Variants in TFB1M observed in about 807,000 individuals in gnomAD.
The protein encoded by TFB1M is transcription factor B1, mitochondrial, also known as dimethyladenosine transferase 1, mitochondrial.
Under a neutral mutation model 31.1 loss-of-function variants are expected in TFB1M, and 27 were observed. The ratio of observed to expected loss-of-function variants is 0.87; its 90% CI spans 0.64 to 1.20. The LOEUF is 1.20. Ranked by LOEUF, TFB1M falls within the 50% of genes most tolerant of loss-of-function variation. TFB1M has a pLI of 0.00. For synonymous variants in TFB1M, 166 were observed against 151.8 expected (o/e 1.09, Z -0.69); for missense variants, 394 against 418.7 (o/e 0.94, Z 0.51).
chr6:155,288,582 TTA>T (rs2114751381), intron 4 of TFB1M, among the ~76,000 whole-genome samples: 1 of 152,346 alleles, frequency 6.6e-6, no homozygotes, highest in South Asian at 2.1e-4. Flanking sequence ...ATTTAAGTAT[TTA>T]AGTATATTTC....
At chr6:155,277,508 T>C (rs2114718252) in intron 5 of TFB1M, among the ~76,000 whole-genome samples, 1 of 152,312 alleles carries the variant, frequency 6.6e-6, no homozygotes, top group South Asian at 2.1e-4. Flanking sequence ...GATTATTTCT[T>C]TGTACATTAA....
chr6:155,308,000 G>T (rs112635078), intron 2 of TFB1M, among the ~76,000 whole-genome samples: 1,856 of 151,802 alleles, frequency 0.012, 32 homozygotes, highest in Non-Finnish European at 0.015. Context: ...AAATGGAGAA[G>T]AACCTATCAA....
At chr6:155,311,416 C>G in intron 1 of TFB1M, 77 bp from the exon 2 acceptor site, 1 of 1,311,936 alleles carries the variant, frequency 7.6e-7, no homozygotes, top group Non-Finnish European at 1.1e-6. Context: ...GAAAAATCTT[C>G]TATAAAAATT....
chr6:155,243,239 A>T, the TFB1M span, among the ~76,000 whole-genome samples: 3 of 151,898 alleles, frequency 2.0e-5, no homozygotes, highest in African/African-American at 7.3e-5. Context: ...GAATCAGTCA[A>T]CCCCAAAGTT....
At chr6:155,310,532 C>T (rs1419237119) in intron 2 of TFB1M, among the ~76,000 whole-genome samples, 2 of 152,158 alleles carry the variant, frequency 1.3e-5, no homozygotes, top group African/African-American at 4.8e-5. Context: ...CTGCTATATA[C>T]ACTCTTACCC....
chr6:155,252,885 G>A (rs1259130206), downstream of TFB1M: 2 of 1,443,264 alleles, frequency 1.4e-6, no homozygotes, highest in Admixed American at 3.4e-5. Flanking sequence ...TATTCACTGT[G>A]CACACATCCT....
chr6:155,297,083 A>G lies in TFB1M; in HGVS notation c.416T>C (p.Ile139Thr). 6.2e-7 allele frequency: 1 copy of G among 1,613,798 alleles called. No individual in the cohort carries two copies. The highest frequency in any genetic ancestry group is 8.5e-7 in the Non-Finnish European group (1 of 1,179,974). The change falls in exon 4 of 7, where the codon ATT becomes ACT. Residue 139 changes from isoleucine to threonine, a missense_variant. By Grantham distance (89) the Ile-to-Thr change is moderately conservative (BLOSUM62 -1). Transcript: ENST00000367166. ...TGAAACACTAAAAGGCAGATTTCCAATAATATGTACATTTGGAGGATCTGG... is the reference window on the plus strand; with the variant it reads ...TGAAACACTAAAAGGCAGATTTCCAGTAATATGTACATTTGGAGGATCTGG... Reference protein sequence around the residue: ...WEDDPPNVHIIGNLPFSVSTP... With the variant: ...WEDDPPNVHITGNLPFSVSTP...
chr6:155,252,340 G>A (rs147826593), downstream of TFB1M, among the ~76,000 whole-genome samples: 63 of 152,216 alleles, frequency 4.1e-4, 2 homozygotes, highest in African/African-American at 1.4e-3. Context: ...GTGGTAGCAC[G>A]TGCCTGTAGT....
chr6:155,314,083 C>T lies in TFB1M; in HGVS notation c.133+213G>A, dbSNP rs897192595. 4.8e-6 allele frequency: 7 copies of T among 1,443,958 alleles called. No individual in the cohort carries two copies. In the African/African-American group the frequency reaches 5.7e-5, roughly 12 times the overall value. The allele number at this position is 1,443,958 out of a possible 1,614,324, so 89.4% of individuals were successfully genotyped here. A position where few individuals can be genotyped will look rare whatever the true frequency, so the allele number is the denominator to read the frequency against. On this transcript the variant is annotated intron_variant, in intron 1 of 6. Transcript: ENST00000367166. ...GCAGCCTGCCGGCAGGCTACACCCC[C>T]CCGAACGCGGAGTTTTGTGAGCAAT...
At chr6:155,275,682 T>C (rs1355634111) in intron 5 of TFB1M, 1 of 1,558,646 alleles carries the variant, frequency 6.4e-7, no homozygotes, top group Non-Finnish European at 8.7e-7. Context: ...TTGTTAAACA[T>C]CAGGATTTTC....
At chr6:155,244,530 A>C in the TFB1M span, 3 of 1,174,726 alleles carry the variant, frequency 2.6e-6, no homozygotes, top group South Asian at 4.8e-5. Flanking sequence ...TGTCTTCTTA[A>C]AGGATTTACT....
At chr6:155,286,620 T>TGTATATATGTGTGC (rs1562407977) in intron 4 of TFB1M, among the ~76,000 whole-genome samples, 9 of 141,292 alleles carry the variant, frequency 6.4e-5, no homozygotes, top group African/African-American at 2.1e-4. Context: ...TATATATGTG[T>TGTATATATGTGTGC]ATATATGTGT....
intron 2 of TFB1M, among the ~76,000 whole-genome samples, chr6:155,309,121 A>G (rs946742811): frequency 4.1e-4 from 63 of 152,208 alleles, no homozygotes; most frequent in Admixed American, 4.1e-3. Context: ...AAGAGCATAA[A>G]ACTTTTTCAT....
At position 155,256,390 on chromosome 6, in the gene TFB1M, C is replaced by T. The variant is rs1375559102; in HGVS notation, c.*1446G>A. On this transcript the variant is annotated 3_prime_UTR_variant, in exon 7 of 7. Coordinates refer to ENST00000367166, the MANE Select transcript of TFB1M (RefSeq NM_016020.4). ...CTGAAGTCATATCATAAAATAAAAT[C>T]TTAATGTTAAATCTTACACAAGCTT... The T allele has an allele frequency of 1.3e-6, 2 of 1,547,972 alleles. No homozygotes were observed.
chr6:155,295,239 G>A (rs957170260), intron 4 of TFB1M, among the ~76,000 whole-genome samples: 8 of 151,906 alleles, frequency 5.3e-5, no homozygotes, highest in Admixed American at 1.3e-4. Flanking sequence ...GGTGGCGGGC[G>A]CCTGTAGTCC....
At chr6:155,254,235 C>A (rs1783860626), downstream of TFB1M, 1 of 1,010,866 alleles carries the variant, frequency 9.9e-7, no homozygotes, top group Non-Finnish European at 1.4e-6. Context: ...AAATAAATAT[C>A]AAAATCTTAA....
At position 155,256,680 on chromosome 6, in the gene TFB1M, A is replaced by C. The variant is rs1295255797; in HGVS notation, c.*1156T>G. 1.2e-6 allele frequency: 2 copies of C among 1,614,088 alleles called. No homozygotes were observed. Among genetic ancestry groups the C allele is most frequent in the Non-Finnish European group, 1.7e-6 (2 of 1,180,036 alleles). The stretch of plus-strand genomic sequence containing the variant: ...GGAAATACCCACACCCCGGCTTGGC[A>C]GATTTTGCCGACAATCTCATCAAAG... On this transcript the variant is annotated 3_prime_UTR_variant, in exon 7 of 7. Coordinates refer to ENST00000367166, the MANE Select transcript of TFB1M (RefSeq NM_016020.4).
chr6:155,260,838 C>T (rs751933724), intron 5 of TFB1M: 1 of 281,174 alleles, frequency 3.6e-6, no homozygotes, highest in African/African-American at 2.2e-5. Flanking sequence ...TGCTAAACTT[C>T]CCAGATAGAG....
chr6:155,252,469 T>A (rs1315051829), downstream of TFB1M, among the ~76,000 whole-genome samples: 1 of 152,120 alleles, frequency 6.6e-6, no homozygotes, highest in African/African-American at 2.4e-5. Context: ...ACCCTGTCAA[T>A]AAATACATAA....
Sources: gnomAD v4.1 joint callset for allele counts (sites outside exome capture counted in the v4.1 genomes callset) on GRCh38, gnomAD v4.1.1 for gene constraint, MANE v1.5 for transcripts, NCBI Gene and HGNC (gene_info 2026-07-23, HGNC 2026-07-21) for gene names.